C1orf54: variants seen among roughly 807,000 people sequenced by gnomAD.
C1orf54 encodes the protein uncharacterized protein C1orf54.
Under a neutral mutation model 14.7 loss-of-function variants are expected in C1orf54, and 12 were observed. That is an observed-to-expected ratio of 0.82 (90% confidence interval 0.52 to 1.32). C1orf54 has a LOEUF of 1.32. Among genes scored for constraint, C1orf54 ranks in the 40% most tolerant of loss-of-function variants. C1orf54 has a pLI of 0.00. For synonymous variants in C1orf54, 65 were observed against 56.3 expected, an observed-to-expected ratio of 1.16 and a Z score of -0.70; for missense variants, 163 against 162.2, an observed-to-expected ratio of 1.00 and a Z score of -0.03.
Position 150,280,871 on chromosome 1 carries a change from C to A in C1orf54, c.*40C>A, listed in dbSNP as rs1653050975. On this transcript the variant is annotated 3_prime_UTR_variant, in exon 6 of 6. Coordinates refer to ENST00000369099, the MANE Select transcript of C1orf54 (RefSeq NM_024579.4). ...CTGCTATGACTCTTTGGATGGGAGTCTGGCAAGAGGAAATTGGAAGATAAA... is the reference window on the plus strand; with the variant it reads ...CTGCTATGACTCTTTGGATGGGAGTATGGCAAGAGGAAATTGGAAGATAAA... The A allele has an allele frequency of 6.5e-7, 1 of 1,550,040 alleles. No individual in the cohort carries two copies. The highest frequency in any genetic ancestry group is 8.7e-7 in the Non-Finnish European group (1 of 1,146,794).
chr1:150,268,979 T>G, upstream of C1orf54: 2 of 581,376 alleles, frequency 3.4e-6, no homozygotes, highest in Non-Finnish European at 3.1e-6. Flanking sequence ...AAACCCCAAA[T>G]GAAGGTCCGC....
At position 150,274,159 on chromosome 1, in the gene C1orf54, C is replaced by G. The variant is rs781864231; in HGVS notation, c.119C>G (p.Thr40Ser). The change falls in exon 2 of 6, where the codon ACC becomes AGC. Residue 40 changes from threonine to serine, a missense_variant. Transcript: ENST00000369099. ...CAGGTGGTCTATTATTATACAGTCA[C>G]CCCCAGTTATGGTGAGTACATGAAA... The part of the protein sequence containing the change: ...YYQVVYYYTV[T>S]PSYDDFSADF... The G allele has an allele frequency of 8.1e-6, 13 of 1,609,004 alleles. No homozygotes were observed.
At chr1:150,270,337 T>C (rs587656975), upstream of C1orf54, among the ~76,000 whole-genome samples, 6 of 152,166 alleles carry the variant, frequency 3.9e-5, no homozygotes, top group African/African-American at 1.2e-4. Flanking sequence ...AGCTGAGGAA[T>C]AGATTGTATA....
At chr1:150,274,379 T>C (rs1652460362) in intron 2 of C1orf54, among the ~76,000 whole-genome samples, 1 of 151,862 alleles carries the variant, frequency 6.6e-6, no homozygotes, top group Non-Finnish European at 1.5e-5. Context: ...GGCGGGCGGA[T>C]CACGAGGTCA....
At chr1:150,277,615 AG>A (rs1652778201) in intron 4 of C1orf54, among the ~76,000 whole-genome samples, 1 of 151,454 alleles carries the variant, frequency 6.6e-6, no homozygotes, top group African/African-American at 2.4e-5. Flanking sequence ...GGTATATGGA[AG>A]GGAACAGTGG....
chr1:150,271,147 CTG>C (rs1486638524), upstream of C1orf54, among the ~76,000 whole-genome samples: 5 of 151,544 alleles, frequency 3.3e-5, no homozygotes, highest in African/African-American at 1.2e-4. Context: ...GAGTCTCACT[CTG>C]TTGCCTAGAC....
chr1:150,269,016 G>A (rs1036707353), upstream of C1orf54: 5 of 526,678 alleles, frequency 9.5e-6, no homozygotes, highest in African/African-American at 5.8e-5. Context: ...AAGCCGAAGA[G>A]GGGACAAATC....
At chr1:150,272,756 A>C (rs1652301798), upstream of C1orf54, 9 of 1,576,284 alleles carry the variant, frequency 5.7e-6, no homozygotes, top group Non-Finnish European at 7.0e-6. Context: ...AGGCGGGGTA[A>C]GTTTGGTGGG....
chr1:150,271,008 A>AT (rs1652174601), upstream of C1orf54, among the ~76,000 whole-genome samples: 641 of 151,336 alleles, frequency 4.2e-3, 11 homozygotes, highest in African/African-American at 0.015. Flanking sequence ...AAAAAAAAAA[A>AT]AAAAAATTAA....
chr1:150,274,429 T>C (rs1572102248), intron 2 of C1orf54, among the ~76,000 whole-genome samples: 1 of 151,562 alleles, frequency 6.6e-6, no homozygotes, highest in Non-Finnish European at 1.5e-5. Flanking sequence ...TGAAACCCTG[T>C]CTCTACTAAA....
At position 150,279,629 on chromosome 1, in the gene C1orf54, C is replaced by T. The variant is rs200480803; in HGVS notation, c.301-14C>T. 8.7e-6 allele frequency: 14 copies of T among 1,602,788 alleles called. No homozygotes were observed. Among genetic ancestry groups the T allele is most frequent in the Admixed American group, 1.7e-5 (1 of 58,502 alleles). ...ACACCAGCCTACTGTGTGGGGATGT[C>T]GGTATTTTAGCAGAGTCCAGATCTG... On this transcript the variant is annotated splice_polypyrimidine_tract_variant and intron_variant, in intron 4 of 5. Coordinates refer to ENST00000369099, the MANE Select transcript of C1orf54 (RefSeq NM_024579.4).
intron 1 of C1orf54, 53 bp downstream of exon 1, chr1:150,272,916 G>A (rs1652317446): frequency 5.0e-6 from 8 of 1,591,284 alleles, no homozygotes; most frequent in African/African-American, 1.3e-5. Context: ...ACCATAAATG[G>A]GGTGGGAGAA....
At chr1:150,272,634 TG>T (rs749529302), upstream of C1orf54, 8 of 630,502 alleles carry the variant, frequency 1.3e-5, no homozygotes, top group Non-Finnish European at 2.0e-5. Context: ...CAGCTCTGGC[TG>T]GGGACCGGCA....
At chr1:150,271,425 G>T (rs1370562582), upstream of C1orf54, among the ~76,000 whole-genome samples, 1 of 152,192 alleles carries the variant, frequency 6.6e-6, no homozygotes, top group Non-Finnish European at 1.5e-5. Context: ...CCATTGAGCT[G>T]TTACCACAGC....
At chr1:150,270,912 C>T (rs1467347219), upstream of C1orf54, among the ~76,000 whole-genome samples, 12 of 139,336 alleles carry the variant, frequency 8.6e-5, no homozygotes, top group Admixed American at 2.3e-4. Context: ...AGGAGAATGG[C>T]GTGAACCCAG....
chr1:150,270,995 C>A (rs1191933054), upstream of C1orf54, among the ~76,000 whole-genome samples: 1,540 of 94,468 alleles, frequency 0.016, no homozygotes, highest in Middle Eastern at 0.026. Context: ...GACTCCGTCT[C>A]AAAAAAAAAA....
At chr1:150,272,928 A>C in intron 1 of C1orf54, 65 bp downstream of exon 1, 1 of 1,551,062 alleles carries the variant, frequency 6.4e-7, no homozygotes, top group Non-Finnish European at 8.9e-7. Context: ...GTGGGAGAAA[A>C]AAAATGAGGA....
In C1orf54 at chr1:150,274,148, T is replaced by G; in HGVS notation, c.108T>G (p.Tyr36Ter). ...GEDEYYQVVY[Y>*]YTVTPSYDDF... ...ATGAATATTATCAGGTGGTCTATTA[T>G]TATACAGTCACCCCCAGTTATGGTG... Residue 36 changes from tyrosine (Y) to a stop codon, truncating the protein, a stop_gained, in exon 2 of 6, where the codon TAT becomes TAG. Coordinates refer to ENST00000369099, the MANE Select transcript of C1orf54 (RefSeq NM_024579.4). LOFTEE classifies it high-confidence loss of function. 1 of 1,611,720 alleles carries G rather than the reference T, an allele frequency of 6.2e-7. No homozygotes were observed. Among genetic ancestry groups the G allele is most frequent in the South Asian group, 1.1e-5 (1 of 91,032 alleles).
At chr1:150,269,779 G>A (rs782218721), upstream of C1orf54, among the ~76,000 whole-genome samples, 1 of 152,142 alleles carries the variant, frequency 6.6e-6, no homozygotes, top group Non-Finnish European at 1.5e-5. Flanking sequence ...AGTTAAAGTA[G>A]GCTGAGCGCG....
Sources: gnomAD v4.1 joint callset for allele counts (sites outside exome capture counted in the v4.1 genomes callset) on GRCh38, gnomAD v4.1.1 for gene constraint, MANE v1.5 for transcripts, NCBI Gene and HGNC (gene_info 2026-07-23, HGNC 2026-07-21) for gene names.